CNTNAP4: variants seen among roughly 807,000 people sequenced by gnomAD.
CNTNAP4 encodes the protein contactin-associated protein-like 4.
A neutral mutation model predicts 148.4 loss-of-function variants in CNTNAP4; 98 were observed. The ratio of observed to expected loss-of-function variants is 0.66; its 90% CI spans 0.56 to 0.78. The LOEUF is 0.78. Among genes scored for constraint, CNTNAP4 ranks in the 30% least tolerant of loss-of-function variants. The pLI is 0.00. For synonymous variants in CNTNAP4, 730 were observed against 565.1 expected (o/e 1.29, Z -4.14); for missense variants, 1,935 against 1,565.6 (o/e 1.24, Z -3.98).
chr16:76,408,374 CTATTAACAATTAACAGTTGTTAA>C (rs2078676782), intron 3 of CNTNAP4, among the ~76,000 whole-genome samples: 1 of 140,524 alleles, frequency 7.1e-6, no homozygotes. Context: ...AGTTGTTAAT[CTATTAACAATTAACAGTTGTTAA>C]TCTATTAACA....
intron 23 of CNTNAP4, among the ~76,000 whole-genome samples, chr16:76,556,672 T>A (rs1271315262): frequency 6.6e-6 from 1 of 152,234 alleles, no homozygotes; most frequent in African/African-American, 2.4e-5. Context: ...CAACTGTTTA[T>A]TTTTTCTAAA....
At chr16:76,539,694 G>T (rs753386315) in intron 19 of CNTNAP4, 25 bp from the exon 20 acceptor site, 1 of 1,555,218 alleles carries the variant, frequency 6.4e-7, no homozygotes, top group Non-Finnish European at 8.6e-7. Flanking sequence ...TTTACTAAAA[G>T]AATCACAATT....
chr16:76,522,668 TTC>T (rs1483158196), intron 17 of CNTNAP4, among the ~76,000 whole-genome samples: 2,848 of 110,426 alleles, frequency 0.026, 379 homozygotes, highest in African/African-American at 0.039. Context: ...CTCTCTTTCC[TTC>T]TTTCTCTCTT....
intron 13 of CNTNAP4, among the ~76,000 whole-genome samples, chr16:76,490,579 C>T (rs956782912): frequency 3.3e-5 from 5 of 152,182 alleles, no homozygotes; most frequent in Non-Finnish European, 7.3e-5. Context: ...CCTAGCTTGT[C>T]ATCTCTTCAC....
intron 3 of CNTNAP4, among the ~76,000 whole-genome samples, chr16:76,424,312 T>A (rs1339632785): frequency 6.6e-6 from 1 of 152,148 alleles, no homozygotes; most frequent in Non-Finnish European, 1.5e-5. Context: ...ATTTAATTAA[T>A]CATCCAGCTG....
rs1335668484 is a variant in CNTNAP4, at chr16:76,480,094, C to T, written c.1882+556C>T. Among the ~76,000 whole-genome samples, 10 of 151,860 alleles carry T rather than the reference C, an allele frequency of 6.6e-5. 1 individual carries two copies. Among genetic ancestry groups the T allele is most frequent in the Non-Finnish European group, 8.8e-5 (6 of 67,976 alleles). On this transcript the variant is annotated intron_variant, in intron 12 of 23. Transcript: ENST00000611870. ...CCATTACCGGCTTTAATACCATTCT[C>T]GTCACCATTGTATTGGAGGTCCTAG...
intron 17 of CNTNAP4, among the ~76,000 whole-genome samples, chr16:76,525,640 T>C (rs2083691214): frequency 7.0e-6 from 1 of 142,784 alleles, no homozygotes; most frequent in Admixed American, 7.0e-5. Context: ...TATAACTACA[T>C]ATAAACTATA....
intron 15 of CNTNAP4, among the ~76,000 whole-genome samples, 163 bp downstream of exon 15, chr16:76,498,857 A>G (rs1354460009): frequency 1.3e-5 from 2 of 152,140 alleles, no homozygotes; most frequent in South Asian, 2.1e-4. Context: ...TTAGTAGTCA[A>G]ATTCATAGAC....
intron 15 of CNTNAP4, among the ~76,000 whole-genome samples, chr16:76,513,344 A>C (rs1249311729): frequency 6.6e-6 from 1 of 152,128 alleles, no homozygotes; most frequent in African/African-American, 2.4e-5. Context: ...ATCCTCTAAG[A>C]GCATGGGACA....
intron 2 of CNTNAP4, among the ~76,000 whole-genome samples, chr16:76,353,716 GGTGC>G (rs2012175877): frequency 6.6e-6 from 1 of 152,056 alleles, no homozygotes; most frequent in Non-Finnish European, 1.5e-5. Flanking sequence ...GCTGTCCTCT[GGTGC>G]ATCCCCATGT....
intron 2 of CNTNAP4, among the ~76,000 whole-genome samples, chr16:76,349,478 A>C (rs1965192776): frequency 6.6e-6 from 1 of 152,174 alleles, no homozygotes; most frequent in African/African-American, 2.4e-5. Flanking sequence ...CAAAGCTATT[A>C]AAAGGCTCTA....
At chr16:76,359,553 A>G (rs1242540324) in intron 3 of CNTNAP4, among the ~76,000 whole-genome samples, 1 of 152,168 alleles carries the variant, frequency 6.6e-6, no homozygotes, top group Non-Finnish European at 1.5e-5. Context: ...AAGACAGAAT[A>G]TTTTACAGTC....
At chr16:76,443,507 CT>C (rs1466711246) in intron 4 of CNTNAP4, among the ~76,000 whole-genome samples, 2 of 152,144 alleles carry the variant, frequency 1.3e-5, no homozygotes, top group African/African-American at 4.8e-5. Context: ...TGGAGGTTCA[CT>C]TGAGCCTCGG....
chr16:76,315,683 C>T (rs945380570), intron 1 of CNTNAP4, among the ~76,000 whole-genome samples: 2 of 151,116 alleles, frequency 1.3e-5, no homozygotes. Flanking sequence ...CAACCTCTGC[C>T]TCTCAGGTTA....
chr16:76,437,346 A>G (rs2079869966), intron 4 of CNTNAP4, among the ~76,000 whole-genome samples: 1 of 152,122 alleles, frequency 6.6e-6, no homozygotes, highest in South Asian at 2.1e-4. Context: ...ACTTCAGTCC[A>G]ATCAAGTTGA....
At position 76,448,822 on chromosome 16, in the gene CNTNAP4, G is replaced by C. The variant is rs201726522; in HGVS notation, c.798G>C (p.Leu266=). The change falls in exon 6 of 24, where the codon CTG becomes CTC. Residue 266 remains leucine, a synonymous_variant. Coordinates refer to ENST00000611870, the MANE Select transcript of CNTNAP4 (RefSeq NM_033401.5). ...STLVNLTLGS[L]LDDQHWHSVL... is the part of the protein sequence containing the mutation. ...TGGTCAATCTCACCCTGGGCAGCCT[G>C]CTAGATGATCAGCATTGGCATTCAG... The C allele has an allele frequency of 1.9e-6, 3 of 1,612,374 alleles. No individual in the cohort carries two copies. The highest frequency in any genetic ancestry group is 2.5e-6 in the Non-Finnish European group (3 of 1,179,320).
At chr16:76,308,891 C>T (rs1284980097) in intron 1 of CNTNAP4, among the ~76,000 whole-genome samples, 3 of 151,898 alleles carry the variant, frequency 2.0e-5, no homozygotes, top group Non-Finnish European at 4.4e-5. Context: ...GTGGTGCGAT[C>T]ATAGCTCAGG....
chr16:76,534,482 A>G (rs2084129153), intron 17 of CNTNAP4, among the ~76,000 whole-genome samples: 1 of 152,204 alleles, frequency 6.6e-6, no homozygotes. Flanking sequence ...GCCTCTCAAT[A>G]GAATTGCCAG....
At chr16:76,280,608 C>A (rs993362281) in intron 1 of CNTNAP4, among the ~76,000 whole-genome samples, 1 of 152,060 alleles carries the variant, frequency 6.6e-6, no homozygotes, top group Non-Finnish European at 1.5e-5. Flanking sequence ...ATTTCAAAAG[C>A]AGTGGACTAG....
Sources: gnomAD v4.1 joint callset for allele counts (sites outside exome capture counted in the v4.1 genomes callset) on GRCh38, gnomAD v4.1.1 for gene constraint, MANE v1.5 for transcripts, NCBI Gene and HGNC (gene_info 2026-07-23, HGNC 2026-07-21) for gene names.